GRM1: variants seen among roughly 807,000 people sequenced by gnomAD.
GRM1 encodes the protein glutamate metabotropic receptor 1.
A neutral mutation model predicts 90.9 loss-of-function variants in GRM1; 33 were observed. The ratio of observed to expected loss-of-function variants is 0.36; its 90% CI spans 0.28 to 0.49. The LOEUF is 0.49. Ranked by LOEUF, GRM1 falls within the 20% of genes least tolerant of loss-of-function variation. The pLI is 0.99. For missense variants in GRM1, 1,190 were observed against 1,534.3 expected, an observed-to-expected ratio of 0.78 and a Z score of 3.75; for synonymous variants, 700 against 613.2, an observed-to-expected ratio of 1.14 and a Z score of -2.09.
chr6:146,419,599 C>G (rs1777914406), intron 7 of GRM1, among the ~76,000 whole-genome samples: 1 of 152,142 alleles, frequency 6.6e-6, no homozygotes. Context: ...GAAAAGAGGT[C>G]TAATTGACCC....
intron 2 of GRM1, chr6:146,159,831 G>C (rs1397214524): frequency 1.0e-5 from 5 of 478,984 alleles, no homozygotes; most frequent in African/African-American, 2.0e-5. Flanking sequence ...GGGAGGATTG[G>C]TTAAGCCCAG....
chr6:146,045,749 C>CAAAAAAAAAAAA (rs58055832), intron 1 of GRM1, among the ~76,000 whole-genome samples: 1 of 87,404 alleles, frequency 1.1e-5, no homozygotes, highest in Non-Finnish European at 2.2e-5. Context: ...TGGAATACAG[C>CAAAAAAAAAAAA]AAAAAAAAAA....
chr6:146,343,339 C>T (rs1785050107), intron 3 of GRM1, among the ~76,000 whole-genome samples: 1 of 152,158 alleles, frequency 6.6e-6, no homozygotes, highest in African/African-American at 2.4e-5. Flanking sequence ...ATGCTATGCT[C>T]TTTGAAAGCT....
chr6:146,311,010 A>G (rs1783752349), intron 3 of GRM1, among the ~76,000 whole-genome samples: 1 of 152,222 alleles, frequency 6.6e-6, no homozygotes, highest in African/African-American at 2.4e-5. Context: ...AAAGGTATTC[A>G]TAGCTTTGTA....
intron 2 of GRM1, among the ~76,000 whole-genome samples, chr6:146,165,027 C>T (rs1031191288): frequency 1.3e-5 from 2 of 151,924 alleles, no homozygotes; most frequent in African/African-American, 4.8e-5. Context: ...TCTTCTCACT[C>T]ATTAGGCCAA....
chr6:146,057,083 A>G (rs959031947), intron 1 of GRM1, among the ~76,000 whole-genome samples: 1 of 152,192 alleles, frequency 6.6e-6, no homozygotes, highest in Non-Finnish European at 1.5e-5. Context: ...AGTTCAATTC[A>G]GTACAAAAAT....
chr6:146,066,931 G>T (rs1193173540), intron 1 of GRM1, among the ~76,000 whole-genome samples: 1 of 152,078 alleles, frequency 6.6e-6, no homozygotes, highest in Non-Finnish European at 1.5e-5. Flanking sequence ...CAAATTTCTA[G>T]TAAAAATGTT....
At chr6:146,404,536 G>A (rs1156528032) in intron 7 of GRM1, among the ~76,000 whole-genome samples, 1 of 152,176 alleles carries the variant, frequency 6.6e-6, no homozygotes, top group East Asian at 1.9e-4. Context: ...AGTAAAAGTA[G>A]CATTTGAACT....
At chr6:146,086,690 C>T (rs886180019) in intron 1 of GRM1, among the ~76,000 whole-genome samples, 6 of 152,002 alleles carry the variant, frequency 3.9e-5, no homozygotes, top group African/African-American at 1.2e-4. Context: ...CTCCTTTTCC[C>T]AGTACCAACA....
chr6:146,219,951 A>G (rs1388640701), intron 2 of GRM1, among the ~76,000 whole-genome samples: 1 of 151,782 alleles, frequency 6.6e-6, no homozygotes, highest in African/African-American at 2.4e-5. Context: ...GTGCACACAT[A>G]TGGGAGTGTA....
chr6:146,267,077 C>G (rs967563907), intron 2 of GRM1, among the ~76,000 whole-genome samples: 7 of 152,088 alleles, frequency 4.6e-5, no homozygotes, highest in African/African-American at 1.7e-4. Context: ...GTGTGTTATT[C>G]CCCCCATGTG....
intron 7 of GRM1, among the ~76,000 whole-genome samples, chr6:146,424,532 G>T (rs1748340421): frequency 6.6e-6 from 1 of 152,178 alleles, no homozygotes; most frequent in Non-Finnish European, 1.5e-5. Context: ...TTTCCCCATT[G>T]ACCATCACTT....
chr6:146,333,371 AG>A (rs1394442102), intron 3 of GRM1, among the ~76,000 whole-genome samples: 1 of 152,102 alleles, frequency 6.6e-6, no homozygotes, highest in Non-Finnish European at 1.5e-5. Flanking sequence ...TTTTCCCCCT[AG>A]TATTTACTTC....
chr6:146,428,542 T>C (rs2300629), intron 7 of GRM1, among the ~76,000 whole-genome samples: 11,415 of 152,166 alleles, frequency 0.075, 802 homozygotes, highest in African/African-American at 0.19. Flanking sequence ...CAGGTAGAGC[T>C]GAGGAGCATA....
At chr6:146,395,200 G>A (rs1776885051) in intron 6 of GRM1, among the ~76,000 whole-genome samples, 1 of 151,960 alleles carries the variant, frequency 6.6e-6, no homozygotes, top group African/African-American at 2.4e-5. Context: ...ACTCTATCTG[G>A]AAATGTCAAG....
At chr6:146,187,887 C>T (rs1778793569) in intron 2 of GRM1, among the ~76,000 whole-genome samples, 1 of 151,962 alleles carries the variant, frequency 6.6e-6, no homozygotes, top group Non-Finnish European at 1.5e-5. Flanking sequence ...CAGGCAAATG[C>T]AGCATCTCAT....
chr6:146,041,928 A>T (rs138024220), intron 1 of GRM1, among the ~76,000 whole-genome samples: 89 of 152,078 alleles, frequency 5.9e-4, no homozygotes, highest in African/African-American at 2.0e-3. Context: ...TCAAGGCACC[A>T]CAAGTTTGGT....
chr6:146,320,010 G>C (rs1289310526), intron 3 of GRM1, among the ~76,000 whole-genome samples: 1 of 152,186 alleles, frequency 6.6e-6, no homozygotes. Context: ...CGTTGAATAA[G>C]AGTGGTGAGA....
At chr6:146,112,476 A>C (rs1219606649) in intron 1 of GRM1, among the ~76,000 whole-genome samples, 1 of 152,070 alleles carries the variant, frequency 6.6e-6, no homozygotes, top group Non-Finnish European at 1.5e-5. Context: ...CTTCTTAGAA[A>C]TGCCAAGTGT....
Sources: gnomAD v4.1 joint callset for allele counts (sites outside exome capture counted in the v4.1 genomes callset) on GRCh38, gnomAD v4.1.1 for gene constraint, MANE v1.5 for transcripts, NCBI Gene and HGNC (gene_info 2026-07-23, HGNC 2026-07-21) for gene names.